The following GSK3A variants were observed in gnomAD, a reference collection of about 807,000 sequenced individuals.
GSK3A encodes the protein glycogen synthase kinase 3 alpha.
In GSK3A, 14 loss-of-function variants were observed where a neutral mutation model predicts 56.6. The ratio of observed to expected loss-of-function variants is 0.25; its 90% CI spans 0.16 to 0.39. The LOEUF is 0.39. GSK3A is among the 10% of genes least tolerant of loss of function. The probability of loss-of-function intolerance (pLI) is 1.00; values close to 1 mark genes in which losing one functional copy is unlikely to be tolerated. For synonymous variants in GSK3A, 301 were observed against 285.0 expected (o/e 1.06, Z -0.56); for missense variants, 450 against 656.0 (o/e 0.69, Z 3.43).
chr19:42,233,921 TC>T (rs995848770), intron 6 of GSK3A, among the ~76,000 whole-genome samples: 2 of 151,996 alleles, frequency 1.3e-5, no homozygotes, highest in African/African-American at 4.8e-5. Flanking sequence ...AATTCAGACT[TC>T]CCCTCATGCC....
At chr19:42,237,341 T>C (rs574455749) in intron 2 of GSK3A, among the ~76,000 whole-genome samples, 1 of 151,478 alleles carries the variant, frequency 6.6e-6, no homozygotes, top group South Asian at 2.1e-4. Flanking sequence ...GTATTTTTAG[T>C]AGAGATGGGG....
chr19:42,237,811 G>A (rs997656072), intron 2 of GSK3A, among the ~76,000 whole-genome samples: 4 of 151,572 alleles, frequency 2.6e-5, no homozygotes, highest in East Asian at 2.0e-4. Context: ...CCCAGGAGGC[G>A]GAGCTTGCAG....
At position 42,234,324 on chromosome 19, in the gene GSK3A, TC is replaced by T. The variant is rs753535275; in HGVS notation, c.904+28del. 4.9e-5 allele frequency: 75 copies of T among 1,544,564 alleles called. No individual in the cohort carries two copies. In the East Asian group the frequency reaches 1.7e-3, roughly 34 times the overall value. ...ACTCCAAAACTTCCCAGATTGCCAC[TC>T]CCCCCGCCACCCTCCCATAACTCTG... On this transcript the variant is annotated intron_variant, in intron 6 of 10. Coordinates refer to ENST00000222330, the MANE Select transcript of GSK3A (RefSeq NM_019884.3). The surrounding 1 kb of genome is among the most constrained non-coding windows in gnomAD (Gnocchi z 5.7).
chr19:42,233,684 C>G (rs80033681), intron 6 of GSK3A, among the ~76,000 whole-genome samples: 3,760 of 152,258 alleles, frequency 0.025, 156 homozygotes, highest in African/African-American at 0.085. Context: ...AACCTGCCAA[C>G]AGGCACCCAT....
chr19:42,232,062 G>A lies in GSK3A; in HGVS notation c.1373C>T (p.Ser458Leu), dbSNP rs766194328. The change falls in exon 10 of 11, where the codon TCA (serine) becomes TTA (leucine). Residue 458 changes from serine (S) to leucine (L), a missense_variant. Transcript: ENST00000222330. ...AGCAGATGGTCCCCACTTACCTTGT[G>A]AGGACGGGGTGAGGGTGGTAGTGCC... ...PAGTTTLTPS[S>L]QALTETPTSS... 3.8e-6 allele frequency: 6 copies of A among 1,594,088 alleles called. No individual in the cohort carries two copies. The African/African-American group carries it at 6.7e-5, about 18-fold the overall frequency.
chr19:42,242,212 C>G lies in GSK3A; in HGVS notation c.254G>C (p.Ser85Thr). 6 of 1,445,158 alleles carry G rather than the reference C, an allele frequency of 4.2e-6. No individual in the cohort carries two copies. Among genetic ancestry groups the G allele is most frequent in the South Asian group, 1.4e-5 (1 of 72,658 alleles). 89.5% of individuals were successfully genotyped at this position (1,445,158 alleles called of 1,614,324 possible). The change falls in exon 1 of 11, where the codon AGC (serine) becomes ACC (threonine). Residue 85 changes from serine to threonine, a missense_variant. By Grantham distance (58) the Ser-to-Thr change is moderately conservative (BLOSUM62 1). Coordinates refer to ENST00000222330, the MANE Select transcript of GSK3A (RefSeq NM_019884.3). ...CAGCTTCACCCCGGGCGGCGGGAAG[C>G]TAGTGCCTGCGCCGGGGCCTCCGCT... ...GGSGGPGAGT[S>T]FPPPGVKLGR...
Position 42,235,901 on chromosome 19 carries a change from C to T in GSK3A, c.666+705G>A, listed in dbSNP as rs1294559736. Among the ~76,000 whole-genome samples, 3 of 152,162 alleles carry T rather than the reference C, an allele frequency of 2.0e-5. No homozygotes were observed. In the East Asian group the frequency reaches 5.8e-4, roughly 29 times the overall value. ...CTCCTGGGAAGTGAGGTCCAACAGC[C>T]ACAACCACTGGTAGAGCCCACGTCG... is the stretch of plus-strand genomic sequence containing the variant. On this transcript the variant is annotated intron_variant, in intron 4 of 10. Transcript: ENST00000222330.
rs1320711731 is a variant in GSK3A, at chr19:42,234,835, G to A, written c.667-157C>T. 3.9e-5 allele frequency among the ~76,000 whole-genome samples: 6 copies of A among 152,216 alleles called. No homozygotes were observed. The stretch of plus-strand genomic sequence containing the variant: ...TTTGAAACCTTGGTTCTCTTAATGT[G>A]CACCACAATCACTTGAAGGACTTGT... On this transcript the variant is annotated intron_variant, in intron 4 of 10. Transcript: ENST00000222330. This position sits in a 1 kb window ranked among gnomAD's most constrained non-coding sequence, Gnocchi z 5.7.
In GSK3A at chr19:42,240,241, C is replaced by G. The variant is rs1039903904; in HGVS notation, c.284-99G>C. On this transcript the variant is annotated intron_variant, in intron 1 of 10. Transcript: ENST00000222330. ...GGAAGGGAAATCTCTGCAGGAAGCT[C>G]GTTGGGGACCTCTTTGTCCCCTCCT... 2.5e-5 allele frequency: 27 copies of G among 1,095,530 alleles called. No homozygotes were observed. The South Asian group carries it at 3.0e-4, about 12-fold the overall frequency. 67.9% of individuals were successfully genotyped at this position (1,095,530 alleles called of 1,614,324 possible). A position where few individuals can be genotyped will look rare whatever the true frequency, so the allele number is the denominator to read the frequency against.
chr19:42,236,268 C>A (rs1171058587), intron 4 of GSK3A, among the ~76,000 whole-genome samples: 3 of 152,216 alleles, frequency 2.0e-5, no homozygotes, highest in Non-Finnish European at 1.5e-5. Context: ...CAGCAGCTGT[C>A]TCTGTGCAGT....
chr19:42,231,646 T>C (rs8108096), intron 10 of GSK3A, among the ~76,000 whole-genome samples: 15,900 of 151,180 alleles, frequency 0.11, 929 homozygotes, highest in South Asian at 0.18. Context: ...TAGTGGTGTG[T>C]GTCTGTAATC....
intron 10 of GSK3A, among the ~76,000 whole-genome samples, chr19:42,231,354 C>A (rs1030409829): frequency 6.6e-6 from 1 of 150,696 alleles, no homozygotes; most frequent in Non-Finnish European, 1.5e-5. Context: ...AAAAAGACTC[C>A]GTCTAAAAAA....
chr19:42,232,277 T>C, intron 9 of GSK3A, 128 bp from the exon 10 acceptor site: 1 of 747,656 alleles, frequency 1.3e-6, no homozygotes, highest in Non-Finnish European at 2.3e-6. Context: ...CCTCTCTCAA[T>C]GAAAAACCAG....
At position 42,240,198 on chromosome 19, in the gene GSK3A, T is replaced by C. The variant is rs762395719; in HGVS notation, c.284-56A>G. 3.4e-6 allele frequency: 5 copies of C among 1,482,048 alleles called. No individual in the cohort carries two copies. In the Admixed American group the frequency reaches 8.4e-5, roughly 25 times the overall value. The allele number at this position is 1,482,048 out of a possible 1,614,324, so 91.8% of individuals were successfully genotyped here. ...GACCCATCCTGCCTGCGCATCACCC[T>C]ATCCTGGGGCTGTGGGAGGAAGGGA... On this transcript the variant is annotated intron_variant, in intron 1 of 10. Coordinates refer to ENST00000222330, the MANE Select transcript of GSK3A (RefSeq NM_019884.3).
chr19:42,232,499 C>T lies in GSK3A; in HGVS notation c.1282G>A (p.Gly428Ser), dbSNP rs2036230570. ...PLPPLFNFSA[G>S]ELSIQPSLNA... ...AGATCCCAGGCTATGCCCTCACCAC[C>T]AGCACTGAAGTTGAAGAGAGGGGGA... The change falls in exon 9 of 11, where the codon GGT becomes AGT. Residue 428 changes from glycine to serine, a missense_variant. Around this residue, in one of 3 missense-constraint regions of GSK3A, gnomAD observed 113 missense variants for 147.5 expected, o/e 0.77. Transcript: ENST00000222330. 6.2e-7 allele frequency: 1 copy of T among 1,614,032 alleles called. No individual in the cohort carries two copies. Among genetic ancestry groups the T allele is most frequent in the African/African-American group, 1.3e-5 (1 of 75,018 alleles).
At chr19:42,235,452 C>G (rs1226840660) in intron 4 of GSK3A, among the ~76,000 whole-genome samples, 2 of 152,170 alleles carry the variant, frequency 1.3e-5, no homozygotes, top group African/African-American at 2.4e-5. Flanking sequence ...CTGACTAGAA[C>G]AGAAGTACCG....
chr19:42,242,507 G>C lies in GSK3A; in HGVS notation c.-42C>G. On this transcript the variant is annotated 5_prime_UTR_variant, in exon 1 of 11. Transcript: ENST00000222330. ...CCAGGCTGCGGGGCTCGGGCTGCCC[G>C]GGCTGCCCCAGCCGCCGCCGCTGCC... is the stretch of plus-strand genomic sequence containing the variant. The C allele has an allele frequency of 1.9e-6, 2 of 1,069,422 alleles. No individual in the cohort carries two copies. Among genetic ancestry groups the C allele is most frequent in the Non-Finnish European group, 2.3e-6 (2 of 886,032 alleles). 66.2% of individuals were successfully genotyped at this position (1,069,422 alleles called of 1,614,324 possible).
At chr19:42,235,163 A>G (rs894213083) in intron 4 of GSK3A, among the ~76,000 whole-genome samples, 3 of 151,966 alleles carry the variant, frequency 2.0e-5, no homozygotes, top group African/African-American at 7.2e-5. Context: ...CCCCACTCTT[A>G]GAGTTTCTGA....
At chr19:42,240,663 G>C in intron 1 of GSK3A, 1 of 163,130 alleles carries the variant, frequency 6.1e-6, no homozygotes, top group Admixed American at 5.9e-5. Flanking sequence ...ACTGGTTCTT[G>C]GTGACAGAAA....
Sources: gnomAD v4.1 joint callset for allele counts (sites outside exome capture counted in the v4.1 genomes callset) on GRCh38, gnomAD v4.1.1 for gene constraint, gnomAD v4.1.1 regional missense constraint, Gnocchi (gnomAD v3.1) non-coding constraint, MANE v1.5 for transcripts, NCBI Gene and HGNC (gene_info 2026-07-23, HGNC 2026-07-21) for gene names.